Variants in CLCN5 observed in about 807,000 individuals in gnomAD.
The protein encoded by CLCN5 is H(+)/Cl(-) exchange transporter 5.
In CLCN5, 17 loss-of-function variants were observed where a neutral mutation model predicts 54.0. The ratio of observed to expected loss-of-function variants is 0.31; its 90% CI spans 0.22 to 0.47. The LOEUF is 0.47. Among genes scored for constraint, CLCN5 ranks in the 20% least tolerant of loss-of-function variants. The probability of loss-of-function intolerance (pLI) is 1.00; values close to 1 mark genes in which losing one functional copy is unlikely to be tolerated. For synonymous variants in CLCN5, 222 were observed against 233.0 expected (o/e 0.95, Z 0.43); for missense variants, 448 against 646.7 (o/e 0.69, Z 3.33).
chrX:49,994,800 G>C (rs1181740365), intron 3 of CLCN5, among the ~76,000 whole-genome samples: 1 of 111,834 alleles, frequency 8.9e-6, no homozygotes, highest in African/African-American at 3.2e-5. Context: ...GGTCACAGCA[G>C]TTAAACACGA....
intron 3 of CLCN5, among the ~76,000 whole-genome samples, chrX:50,004,094 C>T (rs1245577470): frequency 8.9e-6 from 1 of 112,155 alleles, no homozygotes; most frequent in Admixed American, 9.4e-5. Context: ...TCTTCTTAGA[C>T]ACTCATGTAG....
intron 4 of CLCN5, among the ~76,000 whole-genome samples, chrX:50,057,844 G>A (rs1374985590): frequency 4.5e-5 from 5 of 110,204 alleles, no homozygotes; most frequent in African/African-American, 9.9e-5. Flanking sequence ...CAGGGCTTCC[G>A]CTGTAATGTA....
chrX:49,976,315 GTTGGTA>G (rs1557176902), intron 3 of CLCN5, among the ~76,000 whole-genome samples: 1 of 112,383 alleles, frequency 8.9e-6, no homozygotes, highest in Non-Finnish European at 1.9e-5. Context: ...GAAAAATCTG[GTTGGTA>G]ACAAGGCCAG....
At chrX:50,064,549 T>C (rs1932932299) in intron 4 of CLCN5, among the ~76,000 whole-genome samples, 1 of 94,281 alleles carries the variant, frequency 1.1e-5, no homozygotes. Context: ...TGCTCATGGG[T>C]AGGAAGAATC....
intron 4 of CLCN5, among the ~76,000 whole-genome samples, chrX:50,056,774 G>T (rs1211709534): frequency 4.5e-5 from 5 of 111,909 alleles, no homozygotes; most frequent in Non-Finnish European, 9.4e-5. Context: ...GAGTCAGAAG[G>T]AGGTGTTAGA....
chrX:50,076,099 G>C, intron 7 of CLCN5, 117 bp downstream of exon 7: 1 of 674,777 alleles, frequency 1.5e-6, no homozygotes, highest in Non-Finnish European at 2.3e-6. Context: ...CCACAGAAAG[G>C]GGAACCAGTA....
intron 4 of CLCN5, among the ~76,000 whole-genome samples, chrX:50,055,843 T>C (rs2147502206): frequency 9.0e-6 from 1 of 111,057 alleles, no homozygotes; most frequent in African/African-American, 3.3e-5. Context: ...GTGACTTGCT[T>C]TTTTCATATA....
Position 50,075,996 on chromosome X carries a change from A to T in CLCN5, c.603+14A>T. 8.5e-7 allele frequency: 1 copy of T among 1,181,277 alleles called. No individual in the cohort carries two copies. Among genetic ancestry groups the T allele is most frequent in the African/African-American group, 1.7e-5 (1 of 57,288 alleles). The stretch of plus-strand genomic sequence containing the variant: ...AGCACAGATGAGGTAACATGTAGTG[A>T]TGTTTTATGAGCCATTGACTTTTCT... On this transcript the variant is annotated intron_variant, in intron 7 of 14. Transcript: ENST00000376091.
chrX:50,079,907 G>T (rs1359709002), intron 7 of CLCN5, among the ~76,000 whole-genome samples: 3 of 111,191 alleles, frequency 2.7e-5, no homozygotes, highest in Non-Finnish European at 5.7e-5. Flanking sequence ...CTAAAAATTT[G>T]CTAAGAGTAT....
At chrX:49,996,728 G>A (rs1929540511) in intron 3 of CLCN5, among the ~76,000 whole-genome samples, 1 of 111,956 alleles carries the variant, frequency 8.9e-6, no homozygotes, top group Non-Finnish European at 1.9e-5. Flanking sequence ...AACAACATTG[G>A]TGGGCCACCT....
At chrX:50,033,375 CAG>C (rs1306811730) in intron 3 of CLCN5, among the ~76,000 whole-genome samples, 1 of 110,956 alleles carries the variant, frequency 9.0e-6, no homozygotes, top group Non-Finnish European at 1.9e-5. Context: ...ACACCAATAA[CAG>C]ACAAACAGAG....
At chrX:49,979,312 C>T (rs1557177366) in intron 3 of CLCN5, among the ~76,000 whole-genome samples, 3 of 111,623 alleles carry the variant, frequency 2.7e-5, no homozygotes. Flanking sequence ...ACACATTGAT[C>T]ATTTTTCACT....
At chrX:49,945,440 C>T (rs963533489) in intron 3 of CLCN5, 9 of 108,114 alleles carry the variant, frequency 8.3e-5, no homozygotes, top group Non-Finnish European at 1.5e-4. Context: ...CTGAAATAAG[C>T]GCCCTTTCGA....
At chrX:50,060,699 G>A (rs188875289) in intron 4 of CLCN5, among the ~76,000 whole-genome samples, 1 of 111,977 alleles carries the variant, frequency 8.9e-6, no homozygotes, top group Non-Finnish European at 1.9e-5. Context: ...CCACCTTTGG[G>A]GGCAGGGCAC....
intron 3 of CLCN5, among the ~76,000 whole-genome samples, chrX:49,963,442 A>G (rs1054192933): frequency 8.9e-6 from 1 of 111,925 alleles, no homozygotes; most frequent in Non-Finnish European, 1.9e-5. Flanking sequence ...ATATGTGTGT[A>G]CATATGTGTA....
At chrX:50,051,746 GTATT>G (rs1222954527) in intron 4 of CLCN5, among the ~76,000 whole-genome samples, 1 of 111,672 alleles carries the variant, frequency 9.0e-6, no homozygotes, top group Non-Finnish European at 1.9e-5. Flanking sequence ...CGACCTCTAA[GTATT>G]TAATTTGGAG....
chrX:50,013,897 T>C (rs1316116321), intron 3 of CLCN5, among the ~76,000 whole-genome samples: 1 of 112,364 alleles, frequency 8.9e-6, no homozygotes, highest in African/African-American at 3.2e-5. Context: ...TTTGGTCCAT[T>C]CATTTATTCA....
intron 4 of CLCN5, among the ~76,000 whole-genome samples, chrX:50,049,588 T>TA (rs1399536711): frequency 1.8e-5 from 2 of 112,281 alleles, no homozygotes; most frequent in African/African-American, 6.5e-5. Context: ...TTTTCACAGT[T>TA]ACCTGGGTCA....
intron 4 of CLCN5, among the ~76,000 whole-genome samples, chrX:50,058,357 G>C (rs1210926119): frequency 9.0e-6 from 1 of 110,962 alleles, no homozygotes; most frequent in South Asian, 3.8e-4. Flanking sequence ...ATCAGTTACT[G>C]TTCAGCCCCC....
Sources: gnomAD v4.1 joint callset for allele counts (sites outside exome capture counted in the v4.1 genomes callset) on GRCh38, gnomAD v4.1.1 for gene constraint, MANE v1.5 for transcripts, NCBI Gene and HGNC (gene_info 2026-07-23, HGNC 2026-07-21) for gene names.